The following ZNF717 variants were observed in gnomAD, a reference collection of about 807,000 sequenced individuals.
ZNF717 encodes the protein zinc finger protein 717.
In ZNF717, 9 loss-of-function variants were observed where a neutral mutation model predicts 13.8. The observed-to-expected ratio is 0.65, with a 90% confidence interval of 0.39 to 1.14. The LOEUF is 1.14. Ranked by LOEUF, ZNF717 falls within the 50% of genes most tolerant of loss-of-function variation. The probability of loss-of-function intolerance (pLI) is 0.01; values close to 1 mark genes in which losing one functional copy is unlikely to be tolerated. For synonymous variants in ZNF717, 327 were observed against 364.1 expected, an observed-to-expected ratio of 0.90 and a Z score of 1.16; for missense variants, 1,040 against 1,080.7, an observed-to-expected ratio of 0.96 and a Z score of 0.53.
chr3:75,756,738 G>A (rs112386615), intron 2 of ZNF717, among the ~76,000 whole-genome samples: 17 of 132,026 alleles, frequency 1.3e-4, no homozygotes, highest in African/African-American at 4.1e-4. Flanking sequence ...GCAATGGCGC[G>A]ATCTCGGCTC....
chr3:75,719,284 CAAA>C (rs58182512), intron 4 of ZNF717, among the ~76,000 whole-genome samples: 4 of 134,368 alleles, frequency 3.0e-5, no homozygotes, highest in Admixed American at 7.6e-5. Flanking sequence ...CACCCTGTCT[CAAA>C]AAAAAAAAAA....
At chr3:75,739,684 T>A (rs1442291766) in intron 4 of ZNF717, among the ~76,000 whole-genome samples, 5 of 150,756 alleles carry the variant, frequency 3.3e-5, no homozygotes, top group Non-Finnish European at 7.4e-5. Flanking sequence ...TCTTTTTTTT[T>A]ATTTATTCAT....
chr3:75,743,089 A>G (rs1044821583), intron 2 of ZNF717, among the ~76,000 whole-genome samples: 24 of 152,288 alleles, frequency 1.6e-4, no homozygotes, highest in African/African-American at 5.5e-4. Flanking sequence ...TATAAATAAA[A>G]ATATACATAT....
intron 2 of ZNF717, among the ~76,000 whole-genome samples, chr3:75,757,950 T>TAAA (rs559373448): frequency 7.5e-6 from 1 of 133,832 alleles, no homozygotes; most frequent in Non-Finnish European, 1.6e-5. Context: ...CTGTCTCTAC[T>TAAA]AAAAAAAAAA....
chr3:75,733,684 C>G (rs1377479454), downstream of ZNF717, among the ~76,000 whole-genome samples: 2 of 138,720 alleles, frequency 1.4e-5, no homozygotes, highest in Non-Finnish European at 3.0e-5. Flanking sequence ...GAGGCTGAGG[C>G]AGGAGAATGG....
At chr3:75,761,150 C>T (rs1426941178) in intron 2 of ZNF717, among the ~76,000 whole-genome samples, 1 of 152,160 alleles carries the variant, frequency 6.6e-6, no homozygotes, top group East Asian at 1.9e-4. Flanking sequence ...TAATCAAAAA[C>T]CCCCCAAAAA....
At chr3:75,720,743 G>A (rs1332183286) in intron 4 of ZNF717, among the ~76,000 whole-genome samples, 4 of 152,212 alleles carry the variant, frequency 2.6e-5, no homozygotes, top group African/African-American at 9.7e-5. Context: ...AGTGCTTTGA[G>A]AAGCCGAGGC....
At chr3:75,770,806 A>G (rs1188812580) in intron 2 of ZNF717, among the ~76,000 whole-genome samples, 1 of 152,202 alleles carries the variant, frequency 6.6e-6, no homozygotes, top group Non-Finnish European at 1.5e-5. Flanking sequence ...TAAACCTATG[A>G]TGGAAAGACT....
At chr3:75,772,281 T>C (rs1943957163) in intron 2 of ZNF717, among the ~76,000 whole-genome samples, 1 of 152,250 alleles carries the variant, frequency 6.6e-6, no homozygotes, top group Non-Finnish European at 1.5e-5. Flanking sequence ...CTTGCCCACG[T>C]ACCTCATTCT....
At chr3:75,696,939 C>A (rs370782211) in intron 6 of ZNF717, among the ~76,000 whole-genome samples, 2 of 135,936 alleles carry the variant, frequency 1.5e-5, no homozygotes, top group East Asian at 2.3e-4. Flanking sequence ...TCCATATAAT[C>A]ATTTCAATTA....
intron 6 of ZNF717, among the ~76,000 whole-genome samples, chr3:75,700,237 C>CAA (rs142078976): frequency 4.1e-5 from 6 of 145,360 alleles, no homozygotes; most frequent in African/African-American, 1.0e-4. Context: ...ACTAAAAATA[C>CAA]AAAAAAATTA....
At chr3:75,703,169 T>C (rs1393183535) in intron 6 of ZNF717, among the ~76,000 whole-genome samples, 2 of 152,304 alleles carry the variant, frequency 1.3e-5, no homozygotes, top group African/African-American at 2.4e-5. Flanking sequence ...CTTCTCCTAC[T>C]TTAAGCCCAT....
Position 75,738,012 on chromosome 3 carries a change from A to G in ZNF717, c.1611T>C (p.Cys537=). ...RTHAGEKPYA[C]NECGKTYSHK... The stretch of plus-strand genomic sequence containing the variant: ...GGCTATATGTTTTTCCACATTCGTT[A>G]CATGCGTATGGTTTTTCCCCAGCAT... Residue 537 remains cysteine (C), a synonymous_variant, in exon 5 of 5, where the codon TGT becomes TGC. Coordinates refer to ENST00000652011, the MANE Select transcript of ZNF717 (RefSeq NM_001290208.3). The G allele has an allele frequency of 7.4e-7, 1 of 1,344,002 alleles. No individual in the cohort carries two copies. Among genetic ancestry groups the G allele is most frequent in the Non-Finnish European group, 9.9e-7 (1 of 1,007,416 alleles). 83.3% of individuals were successfully genotyped at this position (1,344,002 alleles called of 1,614,324 possible). A position where few individuals can be genotyped will look rare whatever the true frequency, so the allele number is the denominator to read the frequency against.
chr3:75,704,375 G>C (rs76543681), intron 6 of ZNF717, among the ~76,000 whole-genome samples: 1 of 152,290 alleles, frequency 6.6e-6, no homozygotes, highest in South Asian at 2.1e-4. Flanking sequence ...GCCAAGACAA[G>C]ACCCCCACTC....
chr3:75,744,237 T>A (rs1409760833), intron 2 of ZNF717, among the ~76,000 whole-genome samples: 3 of 152,376 alleles, frequency 2.0e-5, no homozygotes, highest in Non-Finnish European at 2.9e-5. Context: ...ACTGTGCATA[T>A]AGGCATTGAG....
downstream of ZNF717, among the ~76,000 whole-genome samples, chr3:75,705,405 A>G (rs1391064032): frequency 6.6e-5 from 10 of 152,420 alleles, no homozygotes; most frequent in Admixed American, 3.3e-4. Context: ...AAAAGACAAA[A>G]TAGGGATGGC....
intron 2 of ZNF717, among the ~76,000 whole-genome samples, chr3:75,764,194 T>C (rs775727501): frequency 6.6e-6 from 1 of 152,180 alleles, no homozygotes. Flanking sequence ...TCAATTGCTT[T>C]TGAGTGGCCA....
intron 2 of ZNF717, 91 bp downstream of exon 2, chr3:75,783,215 C>G: frequency 2.0e-6 from 2 of 1,000,958 alleles, no homozygotes; most frequent in Non-Finnish European, 3.1e-6. Flanking sequence ...CTGAGTTTTA[C>G]TTATTTCCAC....
At position 75,755,922 on chromosome 3, in the gene ZNF717, C is replaced by T. The variant is rs150754399; in HGVS notation, c.58-14186G>A. Among the ~76,000 whole-genome samples the T allele has an allele frequency of 3.5e-3, 538 of 152,324 alleles. 2 individuals are homozygous for T. Among genetic ancestry groups the T allele is most frequent in the African/African-American group, 0.012 (510 of 41,552 alleles). ...TTTGAATGTTAATGGTATGAATGTA[C>T]CAATTCAAAGACAGAGATTGTCAGA... On this transcript the variant is annotated intron_variant, in intron 2 of 4. Coordinates refer to ENST00000652011, the MANE Select transcript of ZNF717 (RefSeq NM_001290208.3).
Sources: gnomAD v4.1 joint callset for allele counts (sites outside exome capture counted in the v4.1 genomes callset) on GRCh38, gnomAD v4.1.1 for gene constraint, MANE v1.5 for transcripts, NCBI Gene and HGNC (gene_info 2026-07-23, HGNC 2026-07-21) for gene names.